DLG2: variants seen among roughly 807,000 people sequenced by gnomAD.
DLG2 encodes discs large MAGUK scaffold protein 2, also known as disks large homolog 2.
DLG2 carries 45 observed loss-of-function variants against 132.5 expected under a neutral mutation model. That is an observed-to-expected ratio of 0.34 (90% CI 0.27 to 0.44). DLG2 has a LOEUF of 0.44. Ranked by LOEUF, DLG2 falls within the 20% of genes least tolerant of loss-of-function variation. DLG2 has a pLI of 1.00. For synonymous variants in DLG2, 424 were observed against 419.6 expected, an observed-to-expected ratio of 1.01 and a Z score of -0.13; for missense variants, 1,045 against 1,196.9, an observed-to-expected ratio of 0.87 and a Z score of 1.87.
chr11:85,269,056 GC>G (rs1165909046), intron 4 of DLG2, among the ~76,000 whole-genome samples: 2 of 152,126 alleles, frequency 1.3e-5, no homozygotes, highest in Non-Finnish European at 2.9e-5. Context: ...TAACCATATA[GC>G]TACTAGCTTG....
At chr11:83,825,827 G>A (rs537090155) in intron 17 of DLG2, among the ~76,000 whole-genome samples, 27 of 152,294 alleles carry the variant, frequency 1.8e-4, no homozygotes, top group African/African-American at 6.3e-4. Flanking sequence ...CTCCCTAGAA[G>A]TCCCCACTGC....
intron 6 of DLG2, among the ~76,000 whole-genome samples, chr11:85,038,223 C>T (rs899673419): frequency 2.0e-5 from 3 of 152,094 alleles, no homozygotes; most frequent in Admixed American, 6.5e-5. Context: ...ACATATTGAT[C>T]ACTCAGAAAG....
chr11:83,724,155 C>T (rs938985146), intron 18 of DLG2, among the ~76,000 whole-genome samples: 1 of 152,114 alleles, frequency 6.6e-6, no homozygotes, highest in Non-Finnish European at 1.5e-5. Context: ...ACCACCAGAA[C>T]GTACTACCCA....
chr11:83,917,186 TAAAC>T (rs2154117312), intron 15 of DLG2, among the ~76,000 whole-genome samples: 1 of 152,344 alleles, frequency 6.6e-6, no homozygotes, highest in South Asian at 2.1e-4. Context: ...CTTAGCATGC[TAAAC>T]AAACTTTCAG....
chr11:84,688,499 A>T lies in DLG2; in HGVS notation c.358-153768T>A, dbSNP rs779946514. On this transcript the variant is annotated intron_variant, in intron 6 of 27. Transcript: ENST00000376104. ...ATTCCTTTCATTCACTGATTTACAT[A>T]GGTATTGAGCCCTTGCTCCCTTCCA... Among the ~76,000 whole-genome samples, 45 of 152,188 alleles carry T rather than the reference A, an allele frequency of 3.0e-4. 1 individual carries two copies. Among genetic ancestry groups the T allele is most frequent in the Non-Finnish European group, 3.8e-4 (26 of 68,028 alleles).
chr11:84,252,581 T>C (rs2097401236), intron 7 of DLG2, among the ~76,000 whole-genome samples: 1 of 152,184 alleles, frequency 6.6e-6, no homozygotes, highest in African/African-American at 2.4e-5. Context: ...TAATTCTCTT[T>C]AAAGTTTAGC....
intron 4 of DLG2, among the ~76,000 whole-genome samples, chr11:85,170,234 C>A (rs759530499): frequency 6.6e-6 from 1 of 152,038 alleles, no homozygotes; most frequent in Non-Finnish European, 1.5e-5. Context: ...ACTGGAGGGA[C>A]AGGGGAGAGG....
At chr11:84,366,651 A>G (rs372337410) in intron 7 of DLG2, among the ~76,000 whole-genome samples, 74 of 152,164 alleles carry the variant, frequency 4.9e-4, no homozygotes, top group African/African-American at 1.7e-3. Context: ...AAAAAGGCAG[A>G]GGTTGCAATC....
intron 7 of DLG2, among the ~76,000 whole-genome samples, chr11:84,481,291 C>G (rs2099136872): frequency 6.6e-6 from 1 of 151,968 alleles, no homozygotes; most frequent in Non-Finnish European, 1.5e-5. Context: ...TTATCTTGCC[C>G]TATTTTTTGC....
At chr11:85,497,526 T>C (rs528069863) in intron 3 of DLG2, among the ~76,000 whole-genome samples, 2 of 152,236 alleles carry the variant, frequency 1.3e-5, no homozygotes, top group African/African-American at 2.4e-5. Flanking sequence ...CCAGGAGAAC[T>C]TCCCCAACCT....
chr11:84,862,732 C>T (rs536822380), intron 6 of DLG2, among the ~76,000 whole-genome samples: 2 of 146,502 alleles, frequency 1.4e-5, no homozygotes, highest in African/African-American at 2.5e-5. Flanking sequence ...GAAAACCAAA[C>T]GTCGCATGTT....
intron 9 of DLG2, among the ~76,000 whole-genome samples, chr11:84,160,495 T>A (rs2095522347): frequency 6.8e-6 from 1 of 146,050 alleles, no homozygotes; most frequent in African/African-American, 2.5e-5. Flanking sequence ...CAGGTTAAAA[T>A]TTAAAAAATG....
chr11:84,724,699 C>T (rs1405971858), intron 6 of DLG2, among the ~76,000 whole-genome samples: 4 of 152,046 alleles, frequency 2.6e-5, no homozygotes, highest in East Asian at 3.8e-4. Context: ...AAGTAATGCC[C>T]AAGGTAACAA....
At chr11:83,929,646 G>A (rs1390940802) in intron 15 of DLG2, among the ~76,000 whole-genome samples, 2 of 152,076 alleles carry the variant, frequency 1.3e-5, no homozygotes, top group African/African-American at 2.4e-5. Context: ...TACATTTATT[G>A]GCAAGATCAT....
At chr11:84,670,690 G>C (rs1315613706) in intron 6 of DLG2, among the ~76,000 whole-genome samples, 1 of 152,126 alleles carries the variant, frequency 6.6e-6, no homozygotes, top group Non-Finnish European at 1.5e-5. Flanking sequence ...TGAGGAAACA[G>C]CTTCCAAGAG....
At chr11:83,748,186 G>A (rs1223336307) in intron 18 of DLG2, among the ~76,000 whole-genome samples, 2 of 152,104 alleles carry the variant, frequency 1.3e-5, no homozygotes, top group Non-Finnish European at 1.5e-5. Context: ...ACATATTCAC[G>A]AGGGCTCTGT....
At chr11:83,830,973 T>C (rs899184610) in intron 17 of DLG2, among the ~76,000 whole-genome samples, 17 of 152,246 alleles carry the variant, frequency 1.1e-4, no homozygotes, top group Admixed American at 2.0e-4. Flanking sequence ...ATGATGAAGA[T>C]ACGTTAGTAT....
intron 6 of DLG2, among the ~76,000 whole-genome samples, chr11:84,785,801 T>G (rs919654705): frequency 2.6e-5 from 4 of 152,108 alleles, no homozygotes; most frequent in African/African-American, 9.6e-5. Context: ...GATTGCCTTA[T>G]TTTGACCAGT....
intron 3 of DLG2, among the ~76,000 whole-genome samples, chr11:85,406,148 A>G (rs2088708779): frequency 6.6e-6 from 1 of 151,910 alleles, no homozygotes; most frequent in South Asian, 2.1e-4. Context: ...GATATCAAAC[A>G]TTGGACTCTG....
Sources: allele counts gnomAD v4.1 joint callset (sites outside exome capture counted in the v4.1 genomes callset), GRCh38; gene constraint gnomAD v4.1.1; transcripts MANE v1.5; gene names NCBI Gene and HGNC (gene_info 2026-07-23, HGNC 2026-07-21).